Variants in CCDC40 observed in about 807,000 individuals in gnomAD.
The protein encoded by CCDC40 is coiled-coil domain 40 molecular ruler complex subunit.
A neutral mutation model predicts 124.5 loss-of-function variants in CCDC40; 104 were observed. That is an observed-to-expected ratio of 0.84 (90% CI 0.71 to 0.98). The LOEUF is 0.98. Ranked by LOEUF, CCDC40 falls within the 50% of genes least tolerant of loss-of-function variation. The probability of loss-of-function intolerance (pLI) is 0.00; values close to 1 mark genes in which losing one functional copy is unlikely to be tolerated. For synonymous variants in CCDC40, 580 were observed against 602.9 expected (o/e 0.96, Z 0.56); for missense variants, 1,463 against 1,503.9 (o/e 0.97, Z 0.45).
intron 3 of CCDC40, among the ~76,000 whole-genome samples, chr17:80,043,219 C>T (rs925112271): frequency 7.2e-5 from 11 of 152,200 alleles, no homozygotes; most frequent in African/African-American, 2.2e-4. Context: ...GACGCACCTC[C>T]ATCCTTCTTT....
chr17:80,093,399 C>A (rs943521994), intron 17 of CCDC40, among the ~76,000 whole-genome samples: 7 of 151,772 alleles, frequency 4.6e-5, no homozygotes, highest in African/African-American at 1.7e-4. Flanking sequence ...GCCAGGCTGG[C>A]CTTGAACTCC....
chr17:80,090,003 A>G (rs2038668951), intron 17 of CCDC40, 119 bp downstream of exon 17: 1 of 1,541,446 alleles, frequency 6.5e-7, no homozygotes, highest in Non-Finnish European at 8.8e-7. Flanking sequence ...CACTGGCCAC[A>G]TTGGCTGGTG....
chr17:80,071,387 C>T (rs556808119), intron 10 of CCDC40, among the ~76,000 whole-genome samples: 3 of 152,288 alleles, frequency 2.0e-5, no homozygotes, highest in East Asian at 1.9e-4. Flanking sequence ...CCAGGCAGGC[C>T]GACCCAAGGA....
At chr17:80,051,057 T>C (rs1038631221) in intron 7 of CCDC40, among the ~76,000 whole-genome samples, 6 of 152,344 alleles carry the variant, frequency 3.9e-5, no homozygotes, top group Middle Eastern at 3.4e-3. Flanking sequence ...ACATTACCGA[T>C]AAAGCAACGT....
chr17:80,040,070 A>G lies in CCDC40; in HGVS notation c.352A>G (p.Ser118Gly), dbSNP rs1279970817. 2 of 1,614,026 alleles carry G rather than the reference A, an allele frequency of 1.2e-6. No individual in the cohort carries two copies. The highest frequency in any genetic ancestry group is 2.2e-5 in the East Asian group (1 of 44,902). The change falls in exon 3 of 20, where the codon AGT becomes GGT. Residue 118 changes from serine to glycine, a missense_variant. Transcript: ENST00000397545. Reference protein sequence around the residue: ...SAADTTYPYFSPPQELPGEEA... With the variant: ...SAADTTYPYFGPPQELPGEEA... ...TGCAGATACGACTTACCCGTATTTCAGTCCTCCTCAGGAACTGCCTGGAGA... is the reference window on the plus strand; with the variant it reads ...TGCAGATACGACTTACCCGTATTTCGGTCCTCCTCAGGAACTGCCTGGAGA...
chr17:80,082,564 C>T (rs1455662904), intron 12 of CCDC40, among the ~76,000 whole-genome samples: 1 of 152,174 alleles, frequency 6.6e-6, no homozygotes, highest in African/African-American at 2.4e-5. Flanking sequence ...TTCCAGAGCA[C>T]ATCCTAGCAG....
chr17:80,044,716 A>AATATATATATATATATATATATAT (rs10582928), intron 3 of CCDC40, among the ~76,000 whole-genome samples: 6 of 131,760 alleles, frequency 4.6e-5, no homozygotes, highest in South Asian at 2.3e-4. Context: ...CAAAAAAAAA[A>AATATATATATATATATATATATAT]ATATATATAT....
intron 9 of CCDC40, among the ~76,000 whole-genome samples, chr17:80,062,826 A>G (rs542167947): frequency 6.6e-6 from 1 of 152,262 alleles, no homozygotes; most frequent in African/African-American, 2.4e-5. Context: ...CCTGGCCTCA[A>G]GTAATCCCCC....
chr17:80,075,713 AGGT>A (rs1197015893), intron 10 of CCDC40, among the ~76,000 whole-genome samples: 1 of 152,154 alleles, frequency 6.6e-6, no homozygotes, highest in Non-Finnish European at 1.5e-5. Flanking sequence ...TCCTGACCTC[AGGT>A]GATCTGCCTG....
At chr17:80,078,288 G>GTA (rs2143724518) in intron 10 of CCDC40, among the ~76,000 whole-genome samples, 1 of 143,608 alleles carries the variant, frequency 7.0e-6, no homozygotes, top group Admixed American at 7.5e-5. Flanking sequence ...CCAAGATCAC[G>GTA]CCACTGCACT....
In CCDC40 at chr17:80,090,407, A is replaced by G. The variant is rs55959150; in HGVS notation, c.2832+523A>G. The G allele has an allele frequency of 4.6e-5, 39 of 846,594 alleles. 1 individual carries two copies. Among genetic ancestry groups the G allele is most frequent in the Admixed American group, 6.6e-5 (2 of 30,298 alleles). The allele number at this position is 846,594 out of a possible 1,614,324, so 52.4% of individuals were successfully genotyped here. A position where few individuals can be genotyped will look rare whatever the true frequency, so the allele number is the denominator to read the frequency against. ...CACACAGCACGTGCATGAACAACACAGGACACACACAGCACGTGCATGAAC... is the reference window on the plus strand; with the variant it reads ...CACACAGCACGTGCATGAACAACACGGGACACACACAGCACGTGCATGAAC... On this transcript the variant is annotated intron_variant, in intron 17 of 19. Transcript: ENST00000397545.
chr17:80,098,465 C>T (rs1026549127), intron 19 of CCDC40, among the ~76,000 whole-genome samples: 5 of 152,218 alleles, frequency 3.3e-5, no homozygotes, highest in African/African-American at 9.6e-5. Flanking sequence ...GTGGGGCTGG[C>T]GAGAAGCCAT....
At chr17:80,070,461 T>C (rs941815110) in intron 10 of CCDC40, among the ~76,000 whole-genome samples, 1 of 151,906 alleles carries the variant, frequency 6.6e-6, no homozygotes, top group Admixed American at 6.6e-5. Flanking sequence ...AATAGCCAGG[T>C]GTGGTGGTGT....
chr17:80,069,139 A>C (rs2038125384), intron 10 of CCDC40, among the ~76,000 whole-genome samples: 1 of 152,148 alleles, frequency 6.6e-6, no homozygotes, highest in Non-Finnish European at 1.5e-5. Context: ...GTTCCAGCCA[A>C]ACCTCACCCT....
At chr17:80,052,807 G>T (rs539933795) in intron 7 of CCDC40, among the ~76,000 whole-genome samples, 1 of 152,130 alleles carries the variant, frequency 6.6e-6, no homozygotes, top group Admixed American at 6.5e-5. Flanking sequence ...CATCATCCCA[G>T]AGTGTGCAGA....
At position 80,040,116 on chromosome 17, in the gene CCDC40, G is replaced by A. The variant is rs769499619; in HGVS notation, c.398G>A (p.Ser133Asn). 3 of 1,614,166 alleles carry A rather than the reference G, an allele frequency of 1.9e-6. No individual in the cohort carries two copies. Among genetic ancestry groups the A allele is most frequent in the East Asian group, 2.2e-5 (1 of 44,876 alleles). Reference sequence around the variant, plus strand: ...GGAGAGGAGGCATACGATAGTGTTAGCGGGGAGGCTGGTCTCCAAGGCTTC... The same window carrying A: ...GGAGAGGAGGCATACGATAGTGTTAACGGGGAGGCTGGTCTCCAAGGCTTC... ...LPGEEAYDSVSGEAGLQGFQQ... is the reference protein window; with the variant it reads ...LPGEEAYDSVNGEAGLQGFQQ... Residue 133 changes from serine to asparagine, a missense_variant, in exon 3 of 20, where the codon AGC (serine) becomes AAC (asparagine). Coordinates refer to ENST00000397545, the MANE Select transcript of CCDC40 (RefSeq NM_017950.4).
chr17:80,094,374 C>T (rs960886390), intron 17 of CCDC40, among the ~76,000 whole-genome samples: 6 of 151,388 alleles, frequency 4.0e-5, no homozygotes, highest in African/African-American at 7.3e-5. Flanking sequence ...ATTGTGCCAT[C>T]GCACTCCAGC....
intron 9 of CCDC40, 131 bp downstream of exon 9, chr17:80,059,111 A>G (rs548666394): frequency 2.2e-4 from 262 of 1,186,738 alleles, no homozygotes; most frequent in Non-Finnish European, 3.0e-4. Context: ...TACATCTGCA[A>G]ACATCGGGCC....
chr17:80,065,299 G>A (rs1490528512), intron 9 of CCDC40, among the ~76,000 whole-genome samples, 186 bp from the exon 10 acceptor site: 1 of 147,878 alleles, frequency 6.8e-6, no homozygotes, highest in East Asian at 2.0e-4. Flanking sequence ...GCTCAAAGCG[G>A]GTACGGGTTA....
Sources: gnomAD v4.1 joint callset for allele counts (sites outside exome capture counted in the v4.1 genomes callset) on GRCh38, gnomAD v4.1.1 for gene constraint, MANE v1.5 for transcripts, NCBI Gene and HGNC (gene_info 2026-07-23, HGNC 2026-07-21) for gene names.